RASSF6: variants seen among roughly 807,000 people sequenced by gnomAD.
RASSF6 encodes the protein ras association domain-containing protein 6.
A neutral mutation model predicts 44.0 loss-of-function variants in RASSF6; 52 were observed. The ratio of observed to expected loss-of-function variants is 1.18; its 90% confidence interval spans 0.95 to 1.49. RASSF6 has a LOEUF of 1.49. Ranked by LOEUF, RASSF6 falls within the 40% of genes most tolerant of loss-of-function variation. The pLI is 0.00. For synonymous variants in RASSF6, 162 were observed against 124.6 expected (o/e 1.30, Z -2.00); for missense variants, 464 against 393.3 (o/e 1.18, Z -1.52).
rs376442833 is a variant in RASSF6, at chr4:73,578,625, A to G, written c.722-1894T>C. Among the ~76,000 whole-genome samples, 28 of 144,880 alleles carry G rather than the reference A, an allele frequency of 1.9e-4. No homozygotes were observed. In the East Asian group the frequency reaches 3.5e-3, roughly 18 times the overall value. ...TTTTTATTGTACACACCTTTAAACAAATCATTTTTTCTCTTTTTTTTTTTT... is the reference window on the plus strand; with the variant it reads ...TTTTTATTGTACACACCTTTAAACAGATCATTTTTTCTCTTTTTTTTTTTT... On this transcript the variant is annotated intron_variant, in intron 8 of 10. Transcript: ENST00000307439.
intron 4 of RASSF6, among the ~76,000 whole-genome samples, chr4:73,592,985 A>G (rs1247642): frequency 0.99 from 149,757 of 151,420 alleles, 74,073 homozygotes; most frequent in Middle Eastern, 1. Flanking sequence ...GAAGAGCCCT[A>G]GTTTCTGAAC....
chr4:73,575,277 T>C lies in RASSF6; in HGVS notation c.*958A>G, dbSNP rs1435511460. ...TTATAAATAAAATCATAGTTTATAC[T>C]TATAGCATTTCTTCATTTTTAGTGT... On this transcript the variant is annotated 3_prime_UTR_variant, in exon 11 of 11. Transcript: ENST00000307439. 6.6e-6 allele frequency: 1 copy of C among 152,178 alleles called. No homozygotes were observed. Among genetic ancestry groups the C allele is most frequent in the African/African-American group, 2.4e-5 (1 of 41,442 alleles). 9.4% of individuals were successfully genotyped at this position (152,178 alleles called of 1,614,324 possible).
chr4:73,614,185 C>T (rs765005525), intron 1 of RASSF6, among the ~76,000 whole-genome samples: 8 of 152,314 alleles, frequency 5.3e-5, no homozygotes, highest in Non-Finnish European at 7.4e-5. Context: ...ATTCCAAATT[C>T]GAAAGCTTTG....
intron 1 of RASSF6, among the ~76,000 whole-genome samples, chr4:73,617,853 T>G (rs1247597): frequency 0.99 from 150,946 of 152,342 alleles, 74,790 homozygotes; most frequent in Middle Eastern, 1. Flanking sequence ...CTCAGAGGTT[T>G]TGTTTTCAAA....
chr4:73,606,639 GTT>G (rs11284857), intron 2 of RASSF6, among the ~76,000 whole-genome samples: 4,710 of 149,114 alleles, frequency 0.032, 88 homozygotes, highest in African/African-American at 0.054. Flanking sequence ...AAGCCTTATA[GTT>G]TTTTTTTTTT....
intron 3 of RASSF6, 112 bp from the exon 4 acceptor site, chr4:73,593,705 G>C: frequency 2.3e-4 from 165 of 704,404 alleles, no homozygotes; most frequent in Non-Finnish European, 2.1e-4. Flanking sequence ...AGATTAAAAA[G>C]AAACGCCAGG....
In RASSF6 at chr4:73,571,861, G is replaced by A. The variant is rs1321093645; in HGVS notation, c.*4374C>T. On this transcript the variant is annotated 3_prime_UTR_variant, in exon 11 of 11. Coordinates refer to ENST00000307439, the MANE Select transcript of RASSF6 (RefSeq NM_177532.5). Reference sequence around the variant, plus strand: ...GAAATATTTGGACCACCTAAAACAAGGATAAATTATTCTGTGACAAGTTTA... The same window carrying A: ...GAAATATTTGGACCACCTAAAACAAAGATAAATTATTCTGTGACAAGTTTA... The A allele has an allele frequency of 6.6e-6, 1 of 151,894 alleles. No homozygotes were observed. Among genetic ancestry groups the A allele is most frequent in the African/African-American group, 2.4e-5 (1 of 41,334 alleles). The allele number at this position is 151,894 out of a possible 1,614,324, so 9.4% of individuals were successfully genotyped here. A position where few individuals can be genotyped will look rare whatever the true frequency, so the allele number is the denominator to read the frequency against.
At chr4:73,594,850 T>C (rs1398315030) in intron 3 of RASSF6, among the ~76,000 whole-genome samples, 1 of 152,218 alleles carries the variant, frequency 6.6e-6, no homozygotes, top group Non-Finnish European at 1.5e-5. Flanking sequence ...ATCAAAAACT[T>C]ATAGAATCTC....
At position 73,620,413 on chromosome 4, in the gene RASSF6, G is replaced by T. The variant is rs1374701257; in HGVS notation, c.-160C>A. ...GGGAAACCAGTGCCCTGTCTCTGCCGGGCTGGGACTCCGCGAGTCACTCAC... is the reference window on the plus strand; with the variant it reads ...GGGAAACCAGTGCCCTGTCTCTGCCTGGCTGGGACTCCGCGAGTCACTCAC... On this transcript the variant is annotated 5_prime_UTR_variant, in exon 1 of 11. Coordinates refer to ENST00000307439, the MANE Select transcript of RASSF6 (RefSeq NM_177532.5). 6.5e-7 allele frequency: 1 copy of T among 1,540,274 alleles called. No individual in the cohort carries two copies. The highest frequency in any genetic ancestry group is 8.8e-7 in the Non-Finnish European group (1 of 1,142,658).
At chr4:73,606,747 G>T (rs1235691896) in intron 2 of RASSF6, among the ~76,000 whole-genome samples, 1 of 152,016 alleles carries the variant, frequency 6.6e-6, no homozygotes, top group East Asian at 1.9e-4. Context: ...CACCCTTTGT[G>T]TATGAACAGA....
At chr4:73,580,017 C>A (rs975042124) in intron 8 of RASSF6, among the ~76,000 whole-genome samples, 3 of 111,316 alleles carry the variant, frequency 2.7e-5, no homozygotes, top group African/African-American at 6.8e-5. Flanking sequence ...TGCTATCCCT[C>A]CCCCCTCCCC....
chr4:73,591,803 T>C (rs1724580645), intron 4 of RASSF6, among the ~76,000 whole-genome samples: 1 of 152,174 alleles, frequency 6.6e-6, no homozygotes, highest in Non-Finnish European at 1.5e-5. Flanking sequence ...GATTTTGCTC[T>C]ATACTATGGT....
In RASSF6 at chr4:73,574,543, C is replaced by T. The variant is rs1723096651; in HGVS notation, c.*1692G>A. The T allele has an allele frequency of 6.6e-6, 1 of 152,126 alleles. No homozygotes were observed. Among genetic ancestry groups the T allele is most frequent in the South Asian group, 2.1e-4 (1 of 4,822 alleles). 9.4% of individuals were successfully genotyped at this position (152,126 alleles called of 1,614,324 possible). On this transcript the variant is annotated 3_prime_UTR_variant, in exon 11 of 11. Transcript: ENST00000307439. ...ATTCCTGCCTTTCCTTGTTAGGATT[C>T]TTTCCCTCAGCCTTAGGGTACCTTC... is the stretch of plus-strand genomic sequence containing the variant.
chr4:73,576,650 A>G lies in RASSF6; in HGVS notation c.803T>C (p.Phe268Ser), dbSNP rs762751180. ...TTCTTCTGCATCTTTATCCATGAGG[A>G]AAATGCGAGCATTCTTTTCAGAAGG... ...QGPSEKNARI[F>S]LMDKDAEEIS... The change falls in exon 9 of 11, where the codon TTC becomes TCC. Residue 268 changes from phenylalanine to serine, a missense_variant. By Grantham distance (155) the Phe-to-Ser change is radical. Coordinates refer to ENST00000307439, the MANE Select transcript of RASSF6 (RefSeq NM_177532.5). 1.3e-4 allele frequency: 208 copies of G among 1,613,494 alleles called. No homozygotes were observed. The highest frequency in any genetic ancestry group is 1.7e-4 in the Non-Finnish European group (198 of 1,179,614).
In RASSF6 at chr4:73,616,106, A is replaced by T. The variant is rs577818119; in HGVS notation, c.-35+4182T>A. 5.3e-5 allele frequency among the ~76,000 whole-genome samples: 8 copies of T among 152,358 alleles called. No individual in the cohort carries two copies. In the East Asian group the frequency reaches 1.2e-3, roughly 22 times the overall value. ...CTCTGCACCTGCTACCGTGCTAGGCACAGAAAGTATAGCCTGTATCTATAT... is the reference window on the plus strand; with the variant it reads ...CTCTGCACCTGCTACCGTGCTAGGCTCAGAAAGTATAGCCTGTATCTATAT... On this transcript the variant is annotated intron_variant, in intron 1 of 10. Transcript: ENST00000307439.
chr4:73,587,559 A>G, intron 5 of RASSF6, among the ~76,000 whole-genome samples: 1 of 152,034 alleles, frequency 6.6e-6, no homozygotes, highest in Non-Finnish European at 1.5e-5. Context: ...AACTTTATTA[A>G]AACTATTAGC....
chr4:73,580,141 C>A (rs1053241996), intron 8 of RASSF6, among the ~76,000 whole-genome samples: 12 of 149,968 alleles, frequency 8.0e-5, no homozygotes, highest in South Asian at 2.1e-4. Flanking sequence ...TTTGTTCTTG[C>A]GATAGTTTAC....
At chr4:73,579,403 G>T (rs529908224) in intron 8 of RASSF6, among the ~76,000 whole-genome samples, 1 of 152,256 alleles carries the variant, frequency 6.6e-6, no homozygotes, top group Admixed American at 6.5e-5. Flanking sequence ...CACTAGTGTT[G>T]CATAAAAATA....
In RASSF6 at chr4:73,619,512, T is replaced by C. The variant is rs11731172; in HGVS notation, c.-35+776A>G. Reference sequence around the variant, plus strand: ...CTTTGGCAGAGCAGCTTATTCTTAATGCTAACAGTAGGTATCACTTACAGA... The same window carrying C: ...CTTTGGCAGAGCAGCTTATTCTTAACGCTAACAGTAGGTATCACTTACAGA... On this transcript the variant is annotated intron_variant, in intron 1 of 10. Transcript: ENST00000307439. Among the ~76,000 whole-genome samples the C allele has an allele frequency of 4.9e-3, 751 of 152,302 alleles. 6 individuals are homozygous for C. The highest frequency in any genetic ancestry group is 7.7e-3 in the Non-Finnish European group (525 of 68,028).
Sources: gnomAD v4.1 joint callset for allele counts (sites outside exome capture counted in the v4.1 genomes callset) on GRCh38, gnomAD v4.1.1 for gene constraint, MANE v1.5 for transcripts, NCBI Gene and HGNC (gene_info 2026-07-23, HGNC 2026-07-21) for gene names.